ATP2B2: variants seen among roughly 807,000 people sequenced by gnomAD.
The protein encoded by ATP2B2 is plasma membrane calcium-transporting ATPase 2.
ATP2B2 carries 15 observed loss-of-function variants against 120.0 expected under a neutral mutation model. The ratio of observed to expected loss-of-function variants is 0.12; its 90% confidence interval spans 0.08 to 0.19. ATP2B2 has a LOEUF of 0.19. Among genes scored for constraint, ATP2B2 ranks in the 10% least tolerant of loss-of-function variants. The pLI, the probability that ATP2B2 is intolerant of heterozygous loss-of-function variation, is 1.00. For missense variants in ATP2B2, 1,045 were observed against 1,719.8 expected, an observed-to-expected ratio of 0.61 and a Z score of 6.94; for synonymous variants, 694 against 700.3, an observed-to-expected ratio of 0.99 and a Z score of 0.14.
At chr3:10,606,525 C>T (rs183371037) in intron 2 of ATP2B2, among the ~76,000 whole-genome samples, 2 of 152,134 alleles carry the variant, frequency 1.3e-5, no homozygotes, top group African/African-American at 2.4e-5. Flanking sequence ...ACTTCCAATC[C>T]TCCTGGCTTG....
At chr3:10,393,344 C>T (rs1277985443) in intron 5 of ATP2B2, among the ~76,000 whole-genome samples, 1 of 152,054 alleles carries the variant, frequency 6.6e-6, no homozygotes, top group Non-Finnish European at 1.5e-5. Flanking sequence ...CAATAGGAAG[C>T]CGCTGAGAGT....
intron 13 of ATP2B2, 121 bp downstream of exon 13, chr3:10,359,761 C>T: frequency 6.8e-7 from 1 of 1,465,482 alleles, no homozygotes; most frequent in Non-Finnish European, 9.4e-7. Context: ...TAGACGGCCA[C>T]TCCAGCCGGG....
At chr3:10,508,655 C>A (rs2066697294), upstream of ATP2B2, among the ~76,000 whole-genome samples, 3 of 152,382 alleles carry the variant, frequency 2.0e-5, no homozygotes, top group Admixed American at 1.3e-4. Flanking sequence ...TCCCCTTTGC[C>A]TTCTCTTCCT....
chr3:10,430,695 A>G (rs73115688), intron 2 of ATP2B2, among the ~76,000 whole-genome samples: 15,156 of 151,576 alleles, frequency 0.1, 2,518 homozygotes, highest in African/African-American at 0.34. Context: ...AAATCACAGT[A>G]TCAGAAATAG....
chr3:10,570,884 T>G (rs1022294067), intron 2 of ATP2B2, among the ~76,000 whole-genome samples: 2 of 152,198 alleles, frequency 1.3e-5, no homozygotes, highest in Non-Finnish European at 2.9e-5. Flanking sequence ...AGAGGCCCAC[T>G]TTGCCCATCT....
intron 2 of ATP2B2, among the ~76,000 whole-genome samples, chr3:10,592,985 C>A (rs1398560101): frequency 6.6e-6 from 1 of 152,156 alleles, no homozygotes; most frequent in Non-Finnish European, 1.5e-5. Context: ...GAGGTTTTTC[C>A]ATGTTGCCCA....
chr3:10,655,891 G>A (rs9310370), intron 1 of ATP2B2, among the ~76,000 whole-genome samples: 33,691 of 152,078 alleles, frequency 0.22, 6,265 homozygotes, highest in African/African-American at 0.5. Flanking sequence ...CTTCTTCATC[G>A]ATGCTTTATT....
chr3:10,390,080 A>C (rs1336109597), intron 5 of ATP2B2, among the ~76,000 whole-genome samples: 1 of 152,088 alleles, frequency 6.6e-6, no homozygotes, highest in African/African-American at 2.4e-5. Context: ...ACCTTCTCAG[A>C]TGGGGGAGTA....
intron 22 of ATP2B2, among the ~76,000 whole-genome samples, chr3:10,336,879 A>G (rs2060130856): frequency 6.6e-6 from 1 of 152,244 alleles, no homozygotes; most frequent in African/African-American, 2.4e-5. Flanking sequence ...CACTCAAGAA[A>G]TCGCAGTCCT....
At chr3:10,565,452 T>C (rs2067989682) in intron 2 of ATP2B2, among the ~76,000 whole-genome samples, 1 of 152,174 alleles carries the variant, frequency 6.6e-6, no homozygotes, top group South Asian at 2.1e-4. Flanking sequence ...CTGTTTTGCT[T>C]CTCTGCCTCC....
At chr3:10,490,183 C>CT (rs2065881028) in intron 1 of ATP2B2, among the ~76,000 whole-genome samples, 1 of 152,236 alleles carries the variant, frequency 6.6e-6, no homozygotes, top group Non-Finnish European at 1.5e-5. Context: ...CACTGACTTA[C>CT]AATTACTGGT....
chr3:10,661,719 T>C (rs754900092), intron 1 of ATP2B2, among the ~76,000 whole-genome samples: 1 of 152,204 alleles, frequency 6.6e-6, no homozygotes, highest in Admixed American at 6.5e-5. Context: ...AAGCTACCAA[T>C]GACTTTCTTC....
intron 8 of ATP2B2, among the ~76,000 whole-genome samples, chr3:10,381,870 G>C (rs2061540311): frequency 6.6e-6 from 1 of 152,148 alleles, no homozygotes; most frequent in Non-Finnish European, 1.5e-5. Flanking sequence ...AGGATTCCTG[G>C]TAAGCTGACC....
intron 2 of ATP2B2, among the ~76,000 whole-genome samples, chr3:10,575,308 G>A (rs2068219648): frequency 2.0e-5 from 3 of 152,166 alleles, no homozygotes; most frequent in African/African-American, 2.4e-5. Flanking sequence ...GTAAAGCTCA[G>A]AGGGTTATTA....
chr3:10,561,757 C>T (rs994234985), intron 2 of ATP2B2, among the ~76,000 whole-genome samples: 6 of 152,200 alleles, frequency 3.9e-5, no homozygotes, highest in Admixed American at 2.0e-4. Flanking sequence ...TTGCCTGTCA[C>T]CATGTGAGAC....
At chr3:10,586,377 T>A (rs1457594000) in intron 2 of ATP2B2, among the ~76,000 whole-genome samples, 2 of 152,094 alleles carry the variant, frequency 1.3e-5, no homozygotes, top group African/African-American at 4.8e-5. Context: ...CTCATCTGAG[T>A]CTCCATCATC....
At chr3:10,489,536 C>T (rs982098435) in intron 1 of ATP2B2, among the ~76,000 whole-genome samples, 3 of 152,302 alleles carry the variant, frequency 2.0e-5, no homozygotes, top group East Asian at 1.9e-4. Flanking sequence ...AGGCCCTTTC[C>T]CAGGATGGGA....
chr3:10,534,900 T>G (rs1352113579), intron 2 of ATP2B2, among the ~76,000 whole-genome samples: 4 of 47,452 alleles, frequency 8.4e-5, no homozygotes, highest in African/African-American at 2.8e-4. Context: ...TTTATTTGGT[T>G]TTTTTTTTTT....
intron 2 of ATP2B2, among the ~76,000 whole-genome samples, chr3:10,441,977 T>C (rs1261070222): frequency 6.6e-6 from 1 of 152,176 alleles, no homozygotes; most frequent in African/African-American, 2.4e-5. Flanking sequence ...TAGTAGGCAC[T>C]TAGTGATTAG....
Sources: gnomAD v4.1 joint callset for allele counts (sites outside exome capture counted in the v4.1 genomes callset) on GRCh38, gnomAD v4.1.1 for gene constraint, MANE v1.5 for transcripts, NCBI Gene and HGNC (gene_info 2026-07-23, HGNC 2026-07-21) for gene names.